PKD1L1: variants seen among roughly 807,000 people sequenced by gnomAD.
PKD1L1 encodes polycystin 1 like 1, transient receptor potential channel interacting.
A neutral mutation model predicts 323.4 loss-of-function variants in PKD1L1; 236 were observed. The observed-to-expected ratio is 0.73, with a 90% CI of 0.66 to 0.81. PKD1L1 has a LOEUF of 0.81. Among genes scored for constraint, PKD1L1 ranks in the 40% least tolerant of loss-of-function variants. The pLI, the probability that PKD1L1 is intolerant of heterozygous loss-of-function variation, is 0.00. For missense variants in PKD1L1, 3,320 were observed against 3,508.0 expected, an observed-to-expected ratio of 0.95 and a Z score of 1.35; for synonymous variants, 1,344 against 1,335.0, an observed-to-expected ratio of 1.01 and a Z score of -0.15.
At chr7:47,899,505 G>A (rs1332099744) in intron 13 of PKD1L1, among the ~76,000 whole-genome samples, 1 of 152,048 alleles carries the variant, frequency 6.6e-6, no homozygotes, top group Non-Finnish European at 1.5e-5. Flanking sequence ...CCCCTACTTT[G>A]GGCTGGAGCC....
chr7:47,951,725 T>C (rs1020827313), upstream of PKD1L1, among the ~76,000 whole-genome samples: 5 of 152,218 alleles, frequency 3.3e-5, no homozygotes, highest in African/African-American at 1.2e-4. Context: ...ATACTAAGTT[T>C]CAGATTTGGG....
intron 56 of PKD1L1, among the ~76,000 whole-genome samples, chr7:47,789,746 C>T (rs1236747201): frequency 6.6e-6 from 1 of 152,182 alleles, no homozygotes; most frequent in East Asian, 1.9e-4. Context: ...TCAAAAATAA[C>T]AATATATACC....
chr7:47,855,172 C>T lies in PKD1L1; in HGVS notation c.4684G>A (p.Gly1562Arg). 6.2e-7 allele frequency: 1 copy of T among 1,614,128 alleles called. No homozygotes were observed. Among genetic ancestry groups the T allele is most frequent in the East Asian group, 2.2e-5 (1 of 44,868 alleles). ...WLRKPVMVEF[G>R]EEDGLDNRRN... is the part of the protein sequence containing the mutation. ...CTCCTTACCAGGCCATCCTCCTCCC[C>T]AAACTCGACCATCACGGGTTTCCTT... Residue 1562 changes from glycine (G) to arginine (R), a missense_variant, in exon 29 of 57, where the codon GGG becomes AGG. Physicochemically the swap from Gly to Arg is moderately radical, Grantham distance 125. Transcript: ENST00000289672.
intron 52 of PKD1L1, 143 bp from the exon 53 acceptor site, chr7:47,803,487 T>C (rs1784711397): frequency 1.2e-6 from 1 of 861,330 alleles, no homozygotes; most frequent in Non-Finnish European, 1.8e-6. Context: ...GGACATCAAG[T>C]GCAGATGTCT....
chr7:47,835,325 A>G (rs1263200113), intron 37 of PKD1L1, 82 bp from the exon 38 acceptor site: 50 of 806,888 alleles, frequency 6.2e-5, no homozygotes, highest in Non-Finnish European at 6.6e-5. Flanking sequence ...TTACAAATAC[A>G]TGTAATGTGA....
chr7:47,803,408 A>T lies in PKD1L1; in HGVS notation c.7828-64T>A, dbSNP rs1253544273. ...GTCACTGAAAGGTGCAGACATATTC[A>T]CAGCTGTCAGTCATGCATAAAGAGT... is the stretch of plus-strand genomic sequence containing the variant. On this transcript the variant is annotated intron_variant, in intron 52 of 56. Coordinates refer to ENST00000289672, the MANE Select transcript of PKD1L1 (RefSeq NM_138295.5). The T allele has an allele frequency of 1.9e-6, 3 of 1,578,754 alleles. No individual in the cohort carries two copies. In the African/African-American group the frequency reaches 4.0e-5, roughly 21 times the overall value.
chr7:47,783,676 A>G (rs1313210426), intron 56 of PKD1L1, among the ~76,000 whole-genome samples: 1 of 152,224 alleles, frequency 6.6e-6, no homozygotes, highest in African/African-American at 2.4e-5. Context: ...CCACAAGCCA[A>G]GGAGCTAAGG....
At chr7:47,846,401 C>T (rs568968197) in intron 32 of PKD1L1, among the ~76,000 whole-genome samples, 18 of 152,292 alleles carry the variant, frequency 1.2e-4, no homozygotes, top group Admixed American at 1.1e-3. Context: ...TCAGAAAGCA[C>T]ACCTTCACCA....
At chr7:47,809,427 C>T in intron 51 of PKD1L1, 46 bp downstream of exon 51, 1 of 1,343,528 alleles carries the variant, frequency 7.4e-7, no homozygotes, top group Non-Finnish European at 1.0e-6. Flanking sequence ...AAGATATAAA[C>T]AGTTTATTGT....
intron 17 of PKD1L1, among the ~76,000 whole-genome samples, chr7:47,886,370 G>A (rs1388658057): frequency 1.3e-5 from 2 of 152,018 alleles, no homozygotes; most frequent in Middle Eastern, 3.2e-3. Context: ...TTATTCATGG[G>A]TATTCTAGAA....
chr7:47,808,412 T>A, intron 51 of PKD1L1, 25 bp from the exon 52 acceptor site: 1 of 1,613,042 alleles, frequency 6.2e-7, no homozygotes, highest in Non-Finnish European at 8.5e-7. Context: ...AGAAAGGCCC[T>A]CAGATGGCTC....
At chr7:47,802,724 C>T (rs1784690689) in intron 53 of PKD1L1, among the ~76,000 whole-genome samples, 1 of 152,230 alleles carries the variant, frequency 6.6e-6, no homozygotes, top group Non-Finnish European at 1.5e-5. Flanking sequence ...TACTCTGTAC[C>T]TGTTGATTCG....
chr7:47,900,248 C>CT (rs1195095549), intron 13 of PKD1L1, among the ~76,000 whole-genome samples: 1 of 152,068 alleles, frequency 6.6e-6, no homozygotes, highest in Non-Finnish European at 1.5e-5. Flanking sequence ...TATGAAATGC[C>CT]TAGTGAGAGT....
chr7:47,795,373 T>C (rs2128724303), intron 55 of PKD1L1: 2 of 455,722 alleles, frequency 4.4e-6, no homozygotes, highest in African/African-American at 2.0e-5. Flanking sequence ...ATTTTTCTCT[T>C]GCCACCACCA....
intron 36 of PKD1L1, among the ~76,000 whole-genome samples, chr7:47,837,981 T>C (rs192290083): frequency 5.3e-5 from 8 of 152,268 alleles, no homozygotes; most frequent in Non-Finnish European, 1.0e-4. Flanking sequence ...CGTGACTAAA[T>C]TAATAAGCCT....
Position 47,882,296 on chromosome 7 carries a change from C to CCCTT in PKD1L1, c.3266-212_3266-211insAAGG, listed in dbSNP as rs1786576391. On this transcript the variant is annotated intron_variant, in intron 19 of 56. Coordinates refer to ENST00000289672, the MANE Select transcript of PKD1L1 (RefSeq NM_138295.5). ...CCAAAGGCATCTTCCCTCCCTCCCTCCCTCCCTCCCTTCCTATCTTCCTTC... is the reference window on the plus strand; with the variant it reads ...CCAAAGGCATCTTCCCTCCCTCCCTCCCTTCCTCCCTCCCTTCCTATCTTCCTTC... Among the ~76,000 whole-genome samples the CCCTT allele has an allele frequency of 8.8e-5, 13 of 147,490 alleles. 1 individual carries two copies. The South Asian group carries it at 2.5e-3, about 28-fold the overall frequency.
Position 47,809,584 on chromosome 7 carries a change from G to T in PKD1L1, c.7582-7C>A, listed in dbSNP as rs1334359058. ...TGAGTGCCAGGAAGACCAGCTGGTG[G>T]AGAGAATGTAAACAAACAAGATCAA... On this transcript the variant is annotated splice_polypyrimidine_tract_variant and splice_region_variant and intron_variant, in intron 50 of 56. Coordinates refer to ENST00000289672, the MANE Select transcript of PKD1L1 (RefSeq NM_138295.5). 1.3e-6 allele frequency: 2 copies of T among 1,565,908 alleles called. No homozygotes were observed. The highest frequency in any genetic ancestry group is 1.7e-6 in the Non-Finnish European group (2 of 1,154,658).
chr7:47,855,312 A>T, intron 28 of PKD1L1, 47 bp from the exon 29 acceptor site: 1 of 1,446,716 alleles, frequency 6.9e-7, no homozygotes. Context: ...CAAGCAATGG[A>T]CTTAAGTGAG....
intron 8 of PKD1L1, among the ~76,000 whole-genome samples, chr7:47,911,545 C>T (rs191264235): frequency 6.6e-6 from 1 of 152,200 alleles, no homozygotes; most frequent in Non-Finnish European, 1.5e-5. Flanking sequence ...TAGAGCAAGT[C>T]CTGATGTGAA....
Sources: allele counts gnomAD v4.1 joint callset (sites outside exome capture counted in the v4.1 genomes callset), GRCh38; gene constraint gnomAD v4.1.1; transcripts MANE v1.5; gene names NCBI Gene and HGNC (gene_info 2026-07-23, HGNC 2026-07-21).